CDH3: variants seen among roughly 807,000 people sequenced by gnomAD.
CDH3 encodes the protein cadherin-3.
Under a neutral mutation model 82.0 loss-of-function variants are expected in CDH3, and 54 were observed. The ratio of observed to expected loss-of-function variants is 0.66; its 90% CI spans 0.53 to 0.83. The LOEUF (loss-of-function observed/expected upper bound fraction) is 0.83. Among genes scored for constraint, CDH3 ranks in the 40% least tolerant of loss-of-function variants. CDH3 has a pLI of 0.00. For missense variants in CDH3, 1,054 were observed against 1,084.6 expected (o/e 0.97, Z 0.40); for synonymous variants, 446 against 437.9 (o/e 1.02, Z -0.23).
intron 2 of CDH3, chr16:68,646,162 G>A (rs1055177755): frequency 2.1e-5 from 5 of 236,692 alleles, no homozygotes; most frequent in African/African-American, 1.2e-4. Flanking sequence ...GGCCCCCTTT[G>A]TGAACCGTGC....
chr16:68,680,505 C>G (rs537056131), intron 7 of CDH3, among the ~76,000 whole-genome samples: 13 of 152,280 alleles, frequency 8.5e-5, no homozygotes, highest in Admixed American at 7.2e-4. Flanking sequence ...ATGGTGAAAC[C>G]CTGTCTCTAC....
At chr16:68,724,420 A>C (rs1045135710) in intron 2 of CDH3, among the ~76,000 whole-genome samples, 11 of 151,496 alleles carry the variant, frequency 7.3e-5, no homozygotes, top group Non-Finnish European at 1.5e-5. Flanking sequence ...GGAGTTCAAG[A>C]CCAGCCTGGG....
intron 15 of CDH3, chr16:68,696,417 C>G (rs1056166983): frequency 8.7e-6 from 2 of 229,004 alleles, no homozygotes; most frequent in African/African-American, 4.6e-5. Context: ...GACTCCATCT[C>G]AACAACAACA....
At chr16:68,728,584 C>T (rs1962251099), downstream of CDH3, among the ~76,000 whole-genome samples, 1 of 152,166 alleles carries the variant, frequency 6.6e-6, no homozygotes, top group Non-Finnish European at 1.5e-5. Context: ...GCTTGAGCCA[C>T]CACGCCCAGC....
At chr16:68,685,745 T>TGC (rs1961393716) in intron 11 of CDH3, among the ~76,000 whole-genome samples, 2 of 152,208 alleles carry the variant, frequency 1.3e-5, no homozygotes, top group Non-Finnish European at 2.9e-5. Flanking sequence ...AGGTGGAGGC[T>TGC]ACAGTGAGCC....
intron 2 of CDH3, among the ~76,000 whole-genome samples, chr16:68,653,879 C>T (rs555340695): frequency 4.6e-5 from 7 of 151,106 alleles, no homozygotes; most frequent in Non-Finnish European, 8.8e-5. Context: ...TTAATAGAGA[C>T]GGGCAATTTT....
At chr16:68,717,526 G>A (rs1056705681) in intron 1 of CDH3, among the ~76,000 whole-genome samples, 4 of 152,020 alleles carry the variant, frequency 2.6e-5, no homozygotes, top group Admixed American at 1.3e-4. Context: ...TAATTCCAGC[G>A]CTTTGGGAGG....
intron 2 of CDH3, among the ~76,000 whole-genome samples, chr16:68,724,070 A>T (rs1463948124): frequency 0.011 from 44 of 4,000 alleles, 1 homozygote; most frequent in Non-Finnish European, 0.038. Context: ...CTCCGTCTCA[A>T]AAAAAAAAAA....
At chr16:68,703,661 A>C (rs910606286), downstream of CDH3, among the ~76,000 whole-genome samples, 1 of 152,154 alleles carries the variant, frequency 6.6e-6, no homozygotes, top group African/African-American at 2.4e-5. Context: ...AAAATGGGGG[A>C]GTAGGCTGGG....
intron 2 of CDH3, among the ~76,000 whole-genome samples, chr16:68,657,039 C>T (rs1190971817): frequency 1.3e-5 from 2 of 152,178 alleles, no homozygotes; most frequent in Admixed American, 1.3e-4. Flanking sequence ...TCACTCGCTC[C>T]TCCTCCCCCA....
chr16:68,733,357 A>G, the CDH3 span, among the ~76,000 whole-genome samples: 31 of 152,120 alleles, frequency 2.0e-4, no homozygotes, highest in African/African-American at 7.2e-4. Context: ...TCCTGGGCTC[A>G]AGTAATCTTC....
At chr16:68,691,484 G>A (rs1196577503) in intron 12 of CDH3, among the ~76,000 whole-genome samples, 3 of 152,062 alleles carry the variant, frequency 2.0e-5, no homozygotes, top group Admixed American at 2.0e-4. Flanking sequence ...TGTGATTATT[G>A]ATTTTTTTAA....
rs548467917 is a variant in CDH3 at position 68,682,974 on chromosome 16, G to A, written c.1182+487G>A. ...GGTCAAAAAGTCTGAATAAGGCTGG[G>A]CGCAGTGGCTCACACTTATTCCCAG... is the stretch of plus-strand genomic sequence containing the variant. On this transcript the variant is annotated intron_variant, in intron 9 of 15. Coordinates refer to ENST00000264012, the MANE Select transcript of CDH3 (RefSeq NM_001793.6). Among the ~76,000 whole-genome samples, 18 of 152,260 alleles carry A rather than the reference G, an allele frequency of 1.2e-4. 1 individual carries two copies. Among genetic ancestry groups the A allele is most frequent in the Admixed American group, 1.2e-3 (18 of 15,288 alleles).
At chr16:68,706,381 A>AC (rs967159235) in intron 1 of CDH3, among the ~76,000 whole-genome samples, 3 of 151,772 alleles carry the variant, frequency 2.0e-5, no homozygotes, top group Non-Finnish European at 4.4e-5. Flanking sequence ...CTTGTGTGGC[A>AC]CCCCAACCCA....
At chr16:68,696,877 A>C (rs1961737232) in intron 15 of CDH3, 2 of 152,154 alleles carry the variant, frequency 1.3e-5, no homozygotes. Flanking sequence ...CCTGTTTTCA[A>C]GGTCCAGGAG....
chr16:68,654,613 G>C (rs1960360267), intron 2 of CDH3, among the ~76,000 whole-genome samples: 1 of 144,924 alleles, frequency 6.9e-6, no homozygotes, highest in Non-Finnish European at 1.5e-5. Flanking sequence ...TGAGGCAGGA[G>C]AATCTCTTAA....
intron 2 of CDH3, among the ~76,000 whole-genome samples, chr16:68,668,339 C>T (rs1960793015): frequency 6.6e-6 from 1 of 152,122 alleles, no homozygotes; most frequent in Non-Finnish European, 1.5e-5. Context: ...GAACAGGAGT[C>T]AGTTTACTTC....
chr16:68,695,357 G>A lies in CDH3; in HGVS notation c.2105G>A (p.Gly702Asp). The A allele has an allele frequency of 6.2e-7, 1 of 1,613,534 alleles. No individual in the cohort carries two copies. Among genetic ancestry groups the A allele is most frequent in the Non-Finnish European group, 8.5e-7 (1 of 1,179,774 alleles). Reference protein sequence around the residue: ...DDTRDNVFYYGEEGGGEEDQD... With the variant: ...DDTRDNVFYYDEEGGGEEDQD... ...ACCCGTGACAACGTCTTCTACTATG[G>A]CGAAGAGGGGGGTGGCGAAGAGGAC... The change falls in exon 14 of 16, where the codon GGC becomes GAC. Residue 702 changes from glycine to aspartate, a missense_variant. Coordinates refer to ENST00000264012, the MANE Select transcript of CDH3 (RefSeq NM_001793.6).
chr16:68,692,528 G>A (rs1340894419), intron 13 of CDH3, among the ~76,000 whole-genome samples: 1 of 152,146 alleles, frequency 6.6e-6, no homozygotes, highest in African/African-American at 2.4e-5. Flanking sequence ...CCAGGAATTT[G>A]CTATTATTAG....
Sources: gnomAD v4.1 joint callset for allele counts (sites outside exome capture counted in the v4.1 genomes callset) on GRCh38, gnomAD v4.1.1 for gene constraint, MANE v1.5 for transcripts, NCBI Gene and HGNC (gene_info 2026-07-23, HGNC 2026-07-21) for gene names.